GDPD1: variants seen among roughly 807,000 people sequenced by gnomAD.
GDPD1 encodes the protein lysophospholipase D GDPD1.
In GDPD1, 28 loss-of-function variants were observed where a neutral mutation model predicts 45.1. The observed-to-expected ratio is 0.62, with a 90% CI of 0.46 to 0.85. The LOEUF is 0.85. Among genes scored for constraint, GDPD1 ranks in the 40% least tolerant of loss-of-function variants. The probability of loss-of-function intolerance (pLI) is 0.00; values close to 1 mark genes in which losing one functional copy is unlikely to be tolerated. For missense variants in GDPD1, 256 were observed against 364.8 expected (o/e 0.70, Z 2.43); for synonymous variants, 139 against 131.4 (o/e 1.06, Z -0.40).
intron 6 of GDPD1, among the ~76,000 whole-genome samples, chr17:59,259,219 C>A (rs2047333163): frequency 6.7e-6 from 1 of 148,930 alleles, no homozygotes; most frequent in African/African-American, 2.5e-5. Context: ...CACCTGAGGT[C>A]AGGAGTTCAA....
At position 59,254,674 on chromosome 17, in the gene GDPD1, T is replaced by C. The variant is rs566561425; in HGVS notation, c.368-2448T>C. On this transcript the variant is annotated intron_variant, in intron 4 of 9. Coordinates refer to ENST00000284116, the MANE Select transcript of GDPD1 (RefSeq NM_182569.4). ...GATAGCTTAAGAAAAAAATTAAAAA[T>C]GAATATATTGGTTTTCATAATTAGA... 2.6e-5 allele frequency among the ~76,000 whole-genome samples: 4 copies of C among 152,316 alleles called. No homozygotes were observed. In the East Asian group the frequency reaches 7.7e-4, roughly 29 times the overall value.
At position 59,220,711 on chromosome 17, in the gene GDPD1, GAAGCAGCGATTCCTCAGTA is replaced by G. The variant is rs1568335023; in HGVS notation, c.105_123del (p.Lys35AsnfsTer31). ...ACCCGACCTTGCTGCACCAGAGAAA[GAAGCAGCGATTCCTCAGTA>G]AACACATCTCTCACCGCGGAGGTGA... On this transcript the variant is annotated frameshift_variant, in exon 1 of 10. Transcript: ENST00000284116. LOFTEE classifies it high-confidence loss of function. The G allele has an allele frequency of 6.2e-7, 1 of 1,614,130 alleles. No individual in the cohort carries two copies. The highest frequency in any genetic ancestry group is 1.1e-5 in the South Asian group (1 of 91,066).
intron 1 of GDPD1, among the ~76,000 whole-genome samples, chr17:59,228,186 A>AG (rs1032742052): frequency 6.6e-6 from 1 of 151,566 alleles, no homozygotes; most frequent in Non-Finnish European, 1.5e-5. Context: ...AAAAAAAAAA[A>AG]AAAAAAATTG....
At chr17:59,223,588 A>G (rs2047022714) in intron 1 of GDPD1, among the ~76,000 whole-genome samples, 1 of 152,244 alleles carries the variant, frequency 6.6e-6, no homozygotes, top group African/African-American at 2.4e-5. Flanking sequence ...CTCTACTGCC[A>G]TAACTGCAAA....
At chr17:59,257,403 G>A (rs2047317899) in intron 5 of GDPD1, among the ~76,000 whole-genome samples, 163 bp downstream of exon 5, 1 of 152,160 alleles carries the variant, frequency 6.6e-6, no homozygotes, top group African/African-American at 2.4e-5. Flanking sequence ...TCATTTTACT[G>A]TAGGAGAGAG....
At chr17:59,222,505 C>CTTTTTT (rs149536097) in intron 1 of GDPD1, among the ~76,000 whole-genome samples, 6 of 41,740 alleles carry the variant, frequency 1.4e-4, no homozygotes, top group African/African-American at 3.6e-4. Flanking sequence ...AGTGCCCAGC[C>CTTTTTT]TTTTTTTTTT....
intron 2 of GDPD1, among the ~76,000 whole-genome samples, chr17:59,238,959 C>T (rs1304695587): frequency 6.6e-6 from 1 of 152,144 alleles, no homozygotes; most frequent in East Asian, 1.9e-4. Flanking sequence ...AGCCACTAAA[C>T]CCTTGAGTAT....
chr17:59,238,268 C>CA (rs373144110), intron 2 of GDPD1, among the ~76,000 whole-genome samples: 39,179 of 79,886 alleles, frequency 0.49, 8,249 homozygotes, highest in African/African-American at 0.59. Context: ...AACTCCATCT[C>CA]AAAAAAAAAA....
At position 59,251,092 on chromosome 17, in the gene GDPD1, A is replaced by C. The variant is rs572404037; in HGVS notation, c.367+2307A>C. On this transcript the variant is annotated intron_variant, in intron 4 of 9. Transcript: ENST00000284116. ...AAATTGAAGTCTAAAGATGCAAATT[A>C]ACTTAATCAATTTCATATAACAAGG... is the stretch of plus-strand genomic sequence containing the variant. Among the ~76,000 whole-genome samples the C allele has an allele frequency of 2.0e-5, 3 of 152,300 alleles. No homozygotes were observed. In the East Asian group the frequency reaches 5.8e-4, roughly 29 times the overall value.
intron 4 of GDPD1, among the ~76,000 whole-genome samples, chr17:59,252,622 C>G (rs999230638): frequency 4.0e-5 from 6 of 151,882 alleles, no homozygotes; most frequent in Admixed American, 6.6e-5. Flanking sequence ...CACTTGAACC[C>G]GGGAGGCAGA....
At chr17:59,228,152 A>G (rs1049556860) in intron 1 of GDPD1, among the ~76,000 whole-genome samples, 8 of 150,174 alleles carry the variant, frequency 5.3e-5, no homozygotes, top group African/African-American at 9.9e-5. Flanking sequence ...AGCCTGGGTG[A>G]CAAAGAAAGA....
At chr17:59,243,556 G>A (rs2047190188) in intron 2 of GDPD1, among the ~76,000 whole-genome samples, 1 of 151,704 alleles carries the variant, frequency 6.6e-6, no homozygotes, top group Non-Finnish European at 1.5e-5. Flanking sequence ...TTCTCCCTCT[G>A]GGTTGCAGTT....
Position 59,236,052 on chromosome 17 carries a change from C to T in GDPD1, c.185+1518C>T, listed in dbSNP as rs150805925. Among the ~76,000 whole-genome samples the T allele has an allele frequency of 8.7e-4, 133 of 152,192 alleles. 1 individual carries two copies. Among genetic ancestry groups the T allele is most frequent in the African/African-American group, 3.0e-3 (125 of 41,548 alleles). On this transcript the variant is annotated intron_variant, in intron 2 of 9. Coordinates refer to ENST00000284116, the MANE Select transcript of GDPD1 (RefSeq NM_182569.4). ...TACATATAACTTGAGAAAAAAACTA[C>T]TCATAACTTTGAGTGATTTTAGCAT...
At chr17:59,270,342 C>T (rs978687799) in intron 7 of GDPD1, among the ~76,000 whole-genome samples, 2 of 151,280 alleles carry the variant, frequency 1.3e-5, no homozygotes, top group African/African-American at 4.9e-5. Flanking sequence ...TACAGGTGTG[C>T]GCCACCATGC....
At chr17:59,250,610 T>A (rs1458392151) in intron 4 of GDPD1, among the ~76,000 whole-genome samples, 3 of 124,218 alleles carry the variant, frequency 2.4e-5, no homozygotes, top group African/African-American at 7.4e-5. Flanking sequence ...TGAGACCTTG[T>A]CTCAAAAAAA....
At chr17:59,244,626 CCTGT>C (rs1434836161) in intron 2 of GDPD1, among the ~76,000 whole-genome samples, 5 of 152,090 alleles carry the variant, frequency 3.3e-5, no homozygotes, top group Non-Finnish European at 7.3e-5. Context: ...AGCTACCGTG[CCTGT>C]CTAATTTGGA....
chr17:59,241,261 T>G (rs34315024), intron 2 of GDPD1, among the ~76,000 whole-genome samples: 1 of 152,222 alleles, frequency 6.6e-6, no homozygotes. Flanking sequence ...GAGTATACAT[T>G]TACCCCACAT....
intron 8 of GDPD1, 108 bp from the exon 9 acceptor site, chr17:59,272,677 A>G (rs2047452692): frequency 4.3e-6 from 3 of 702,626 alleles, no homozygotes; most frequent in Non-Finnish European, 7.8e-6. Flanking sequence ...CATTTCTTTT[A>G]TTGCTGAAGC....
At chr17:59,273,075 TTGTG>T (rs925776396) in intron 9 of GDPD1, 11 of 520,982 alleles carry the variant, frequency 2.1e-5, no homozygotes, top group African/African-American at 1.8e-4. Context: ...GGGACAGTGT[TTGTG>T]TGTGTGTATA....
Sources: allele counts gnomAD v4.1 joint callset (sites outside exome capture counted in the v4.1 genomes callset), GRCh38; gene constraint gnomAD v4.1.1; transcripts MANE v1.5; gene names NCBI Gene and HGNC (gene_info 2026-07-23, HGNC 2026-07-21).